Variants in ERI2 observed in about 807,000 individuals in gnomAD.
The protein encoded by ERI2 is ERI1 exoribonuclease 2.
Under a neutral mutation model 46.8 loss-of-function variants are expected in ERI2, and 35 were observed. The observed-to-expected ratio is 0.75, with a 90% CI of 0.57 to 0.99. The LOEUF (loss-of-function observed/expected upper bound fraction) is 0.99. Among genes scored for constraint, ERI2 ranks in the 50% least tolerant of loss-of-function variants. The pLI is 0.00. For synonymous variants in ERI2, 224 were observed against 271.0 expected, an observed-to-expected ratio of 0.83 and a Z score of 1.70; for missense variants, 695 against 796.2, an observed-to-expected ratio of 0.87 and a Z score of 1.53.
At chr16:20,787,188 A>G (rs554511927) in intron 10 of ERI2, among the ~76,000 whole-genome samples, 146 of 152,346 alleles carry the variant, frequency 9.6e-4, no homozygotes, top group Admixed American at 1.4e-3. Context: ...TTATGTCCCA[A>G]AATAATAAGT....
chr16:20,794,264 C>T (rs761060088), downstream of ERI2, among the ~76,000 whole-genome samples: 1 of 152,134 alleles, frequency 6.6e-6, no homozygotes, highest in Non-Finnish European at 1.5e-5. Context: ...ACCATTTTAA[C>T]ATTGGAATGT....
In ERI2 at chr16:20,790,640, C is replaced by T. The variant is rs761005309; in HGVS notation, c.815+210G>A. ...CTCCTGGACAAGAAGGAGATATTGG[C>T]ATTCAAGTTCTACCCAACCGACCAT... On this transcript the variant is annotated intron_variant, in intron 9 of 10. Coordinates refer to the ERI2 transcript ENST00000300005. The surrounding 1 kb of genome is among the most constrained non-coding windows in gnomAD (Gnocchi z 4.0). The T allele has an allele frequency of 6.2e-7, 1 of 1,614,120 alleles. No homozygotes were observed. Among genetic ancestry groups the T allele is most frequent in the Non-Finnish European group, 8.5e-7 (1 of 1,179,996 alleles).
In ERI2 at chr16:20,790,558, C is replaced by A. The variant is rs543795621; in HGVS notation, c.815+292G>T. 9.1e-5 allele frequency: 144 copies of A among 1,581,686 alleles called. 1 individual carries two copies. In the South Asian group the frequency reaches 1.5e-3, roughly 16 times the overall value. On this transcript the variant is annotated intron_variant, in intron 9 of 10. Coordinates refer to the ERI2 transcript ENST00000300005. The surrounding 1 kb of genome is among the most constrained non-coding windows in gnomAD (Gnocchi z 4.0). ...AGCTGCGACATTAAACAAAAATTTC[C>A]TTAAATAAATTGTTCTATTTTATCC... is the stretch of plus-strand genomic sequence containing the variant.
downstream of ERI2, among the ~76,000 whole-genome samples, chr16:20,795,333 G>A (rs1420492710): frequency 6.6e-6 from 1 of 152,124 alleles, no homozygotes. Context: ...AGGGTTTTGG[G>A]TAAAGACAAA....
At chr16:20,791,855 G>A, downstream of ERI2, 1 of 812,574 alleles carries the variant, frequency 1.2e-6, no homozygotes, top group Non-Finnish European at 1.9e-6. Context: ...TTGAACCTGG[G>A]AGGCAGAGGT....
At chr16:20,786,348 A>G in intron 10 of ERI2, 1 of 1,210,486 alleles carries the variant, frequency 8.3e-7, no homozygotes, top group Non-Finnish European at 1.1e-6. Flanking sequence ...TTTTGCAAAT[A>G]CCCATATTGT....
chr16:20,789,617 C>A (rs1410245668), intron 9 of ERI2: 15 of 1,155,614 alleles, frequency 1.3e-5, no homozygotes, highest in Non-Finnish European at 1.7e-5. Flanking sequence ...AAAAGATAAT[C>A]AAGACCTATT....
At chr16:20,783,559 T>C (rs2080399666) in intron 10 of ERI2, 1 of 152,218 alleles carries the variant, frequency 6.6e-6, no homozygotes, top group Non-Finnish European at 1.5e-5. Flanking sequence ...ATACTCAACA[T>C]CTATGTATTT....
rs2080782808 is a variant in ERI2 at position 20,800,292 on chromosome 16, T to G, written c.561+10A>C. 1 of 1,576,258 alleles carries G rather than the reference T, an allele frequency of 6.3e-7. No individual in the cohort carries two copies. Among genetic ancestry groups the G allele is most frequent in the African/African-American group, 1.4e-5 (1 of 73,862 alleles). On this transcript the variant is annotated intron_variant, in intron 6 of 8. Coordinates refer to ENST00000357967, the MANE Select transcript of ERI2 (RefSeq NM_001142725.2). ...AAAAAAGTAAACATGCCCCCATTTT[T>G]TACCATTACCTTGTAAGTTGCTCTG...
chr16:20,785,121 C>T, intron 10 of ERI2: 1 of 1,612,256 alleles, frequency 6.2e-7, no homozygotes, highest in Non-Finnish European at 8.5e-7. Flanking sequence ...CCTGACCTCA[C>T]TGAAAAGACA....
At chr16:20,793,770 T>C (rs753962719), downstream of ERI2, among the ~76,000 whole-genome samples, 1 of 152,210 alleles carries the variant, frequency 6.6e-6, no homozygotes, top group Non-Finnish European at 1.5e-5. Flanking sequence ...GCTCTGAACA[T>C]CATCGGCAAG....
chr16:20,781,694 T>A, intron 10 of ERI2: 4 of 1,603,374 alleles, frequency 2.5e-6, no homozygotes, highest in Non-Finnish European at 3.4e-6. Context: ...GAGTTTGCTT[T>A]TTCTAAATTG....
At chr16:20,805,197 G>A (rs1256066378) in intron 1 of ERI2, among the ~76,000 whole-genome samples, 3 of 152,098 alleles carry the variant, frequency 2.0e-5, no homozygotes, top group African/African-American at 2.4e-5. Flanking sequence ...AGGTTGAGGC[G>A]GGTGGATCAC....
At chr16:20,805,636 TG>T (rs1433580369) in intron 1 of ERI2, 1 of 153,488 alleles carries the variant, frequency 6.5e-6, no homozygotes, top group African/African-American at 2.4e-5. Flanking sequence ...CCTAAATATT[TG>T]CCCTGGCATG....
chr16:20,802,988 CTAAAT>C, intron 3 of ERI2, 65 bp from the exon 4 acceptor site: 2 of 1,429,476 alleles, frequency 1.4e-6, no homozygotes, highest in Non-Finnish European at 1.9e-6. Flanking sequence ...TGTAATCATC[CTAAAT>C]TAAACATGTT....
chr16:20,792,294 G>A (rs746248155), downstream of ERI2: 73 of 1,614,006 alleles, frequency 4.5e-5, no homozygotes, highest in Non-Finnish European at 5.5e-5. Flanking sequence ...TTCAGTTGCA[G>A]AGTCAGCTGT....
intron 10 of ERI2, chr16:20,783,646 G>A (rs2080402678): frequency 6.6e-6 from 1 of 152,074 alleles, no homozygotes; most frequent in African/African-American, 2.4e-5. Flanking sequence ...TAATTCACCT[G>A]CCATAAAATT....
At chr16:20,802,599 A>G (rs1283512699) in intron 4 of ERI2, among the ~76,000 whole-genome samples, 197 bp downstream of exon 4, 1 of 140,902 alleles carries the variant, frequency 7.1e-6, no homozygotes, top group Admixed American at 7.2e-5. Flanking sequence ...TTTTTTAGAG[A>G]TGGGGTTCTC....
intron 10 of ERI2, chr16:20,781,264 A>G (rs2080346890): frequency 3.5e-6 from 4 of 1,155,112 alleles, no homozygotes; most frequent in South Asian, 3.2e-5. Flanking sequence ...CAGAAAGTCA[A>G]TAAGCCTGAA....
Sources: allele counts gnomAD v4.1 joint callset (sites outside exome capture counted in the v4.1 genomes callset), GRCh38; gene constraint gnomAD v4.1.1; non-coding constraint Gnocchi (gnomAD v3.1); transcripts MANE v1.5; gene names NCBI Gene and HGNC (gene_info 2026-07-23, HGNC 2026-07-21).